Variants in TM2D1 observed in about 807,000 individuals in gnomAD.
TM2D1 encodes the protein TM2 domain-containing protein 1.
Under a neutral mutation model 28.4 loss-of-function variants are expected in TM2D1, and 15 were observed. That is an observed-to-expected ratio of 0.53 (90% confidence interval 0.35 to 0.81). TM2D1 has a LOEUF of 0.81. Ranked by LOEUF, TM2D1 falls within the 40% of genes least tolerant of loss-of-function variation. The pLI is 0.01. For missense variants in TM2D1, 236 were observed against 254.9 expected (o/e 0.93, Z 0.50); for synonymous variants, 93 against 96.2 (o/e 0.97, Z 0.20).
chr1:61,683,313 G>C (rs1053032301), intron 6 of TM2D1, 104 bp downstream of exon 6: 1 of 399,810 alleles, frequency 2.5e-6, no homozygotes, highest in Non-Finnish European at 4.4e-6. Flanking sequence ...GTACCTGAGA[G>C]GTTTATACGG....
At chr1:61,701,564 T>C (rs961818460) in intron 3 of TM2D1, among the ~76,000 whole-genome samples, 1 of 151,258 alleles carries the variant, frequency 6.6e-6, no homozygotes, top group Non-Finnish European at 1.5e-5. Flanking sequence ...TTCGTGTGTG[T>C]GTGTGTGTGT....
intron 3 of TM2D1, among the ~76,000 whole-genome samples, chr1:61,702,610 C>T (rs1169121116): frequency 6.6e-6 from 1 of 150,836 alleles, no homozygotes; most frequent in African/African-American, 2.4e-5. Flanking sequence ...TCAAGTGACC[C>T]ACCCGCCTTG....
At chr1:61,682,817 TGG>T (rs891070809) in intron 6 of TM2D1, among the ~76,000 whole-genome samples, 1 of 146,910 alleles carries the variant, frequency 6.8e-6, no homozygotes. Context: ...CGCTTGAACC[TGG>T]GAGGCAGACG....
chr1:61,724,305 T>C (rs536241842), intron 1 of TM2D1: 278 of 152,766 alleles, frequency 1.8e-3, no homozygotes, highest in South Asian at 3.9e-3. Context: ...TGGTGGCGCA[T>C]GCCTGTAGTC....
At chr1:61,714,047 C>T (rs1323734200) in intron 2 of TM2D1, among the ~76,000 whole-genome samples, 1 of 147,094 alleles carries the variant, frequency 6.8e-6, no homozygotes, top group Non-Finnish European at 1.5e-5. Context: ...AGGCGCCCGC[C>T]ACCGCGCCCG....
At chr1:61,713,296 G>A (rs1007915917) in intron 2 of TM2D1, among the ~76,000 whole-genome samples, 1 of 151,816 alleles carries the variant, frequency 6.6e-6, no homozygotes, top group African/African-American at 2.4e-5. Flanking sequence ...TGGCCAACAT[G>A]GTGAAACCCA....
intron 2 of TM2D1, among the ~76,000 whole-genome samples, chr1:61,722,283 G>A (rs7544986): frequency 0.041 from 6,294 of 152,090 alleles, 447 homozygotes; most frequent in African/African-American, 0.14. Context: ...GAGACACCCA[G>A]AAAGAAAAGT....
chr1:61,725,109 G>C lies in TM2D1; in HGVS notation c.12C>G (p.Ala4=), dbSNP rs573030639. The change falls in exon 1 of 7, where the codon GCC becomes GCG. Residue 4 remains alanine (A), a synonymous_variant. Transcript: ENST00000606498. ...CCGGAGCAGACGGACCAGACGGCCA[G>C]GCGGCCGCCATCTTGGAGACCGACA... MAA[A]WPSGPSAPEA... is the part of the protein sequence containing the mutation. 2 of 1,613,556 alleles carry C rather than the reference G, an allele frequency of 1.2e-6. No individual in the cohort carries two copies. The highest frequency in any genetic ancestry group is 1.3e-5 in the African/African-American group (1 of 75,070).
chr1:61,718,917 T>C (rs1407623846), intron 2 of TM2D1, among the ~76,000 whole-genome samples: 1 of 152,142 alleles, frequency 6.6e-6, no homozygotes, highest in African/African-American at 2.4e-5. Context: ...GATCCTGTAC[T>C]GGGAGAAAAT....
chr1:61,691,927 A>AAC (rs1644328158), intron 5 of TM2D1, among the ~76,000 whole-genome samples: 2 of 94,904 alleles, frequency 2.1e-5, no homozygotes, highest in South Asian at 3.1e-4. Context: ...AACTTAAAAA[A>AAC]AAAAAATATA....
Position 61,725,125 on chromosome 1 carries a change from G to A in TM2D1, c.-5C>T. ...AGACGGCCAGGCGGCCGCCATCTTG[G>A]AGACCGACACTTTCTCGCCACTTCC... On this transcript the variant is annotated 5_prime_UTR_variant, in exon 1 of 7. Transcript: ENST00000606498. 2.5e-6 allele frequency: 4 copies of A among 1,613,542 alleles called. No homozygotes were observed. Among genetic ancestry groups the A allele is most frequent in the Admixed American group, 1.7e-5 (1 of 60,022 alleles).
rs1037242309 is a variant in TM2D1, at chr1:61,718,750, A to G, written c.238+4963T>C. 2.0e-5 allele frequency among the ~76,000 whole-genome samples: 3 copies of G among 152,196 alleles called. No individual in the cohort carries two copies. The East Asian group carries it at 5.8e-4, about 29-fold the overall frequency. On this transcript the variant is annotated intron_variant, in intron 2 of 6. Coordinates refer to ENST00000606498, the MANE Select transcript of TM2D1 (RefSeq NM_032027.3). ...AGCGTGGAATGTATATCCTAAGTCT[A>G]ATCATAAGGAAATATCAGACAGTCC...
intron 3 of TM2D1, among the ~76,000 whole-genome samples, chr1:61,702,835 G>A (rs1411794652): frequency 2.0e-5 from 3 of 151,750 alleles, no homozygotes; most frequent in Admixed American, 6.6e-5. Flanking sequence ...GCCAGCTGTG[G>A]TAGCTCACGC....
intron 3 of TM2D1, among the ~76,000 whole-genome samples, chr1:61,706,955 A>G (rs1015827447): frequency 5.3e-5 from 8 of 151,274 alleles, no homozygotes; most frequent in Admixed American, 5.3e-4. Context: ...ATCATAATTG[A>G]TATCAATATC....
At chr1:61,717,319 G>C (rs1331017716) in intron 2 of TM2D1, among the ~76,000 whole-genome samples, 1 of 151,222 alleles carries the variant, frequency 6.6e-6, no homozygotes, top group East Asian at 1.9e-4. Flanking sequence ...AGTGAGCCGA[G>C]ATAGTGCCAC....
At chr1:61,706,637 C>T (rs1262009398) in intron 3 of TM2D1, among the ~76,000 whole-genome samples, 9 of 149,768 alleles carry the variant, frequency 6.0e-5, no homozygotes, top group African/African-American at 2.3e-4. Flanking sequence ...GGAGAAACCC[C>T]GTCTCTACTA....
In TM2D1 at chr1:61,681,123, A is replaced by G. The variant is rs1644240637; in HGVS notation, c.*247T>C. ...TTGCCTTTGTAAAAGATTAAAGAGT[A>G]TCAGAGTAATAAGCTATCTCTCATA... On this transcript the variant is annotated 3_prime_UTR_variant, in exon 7 of 7. Coordinates refer to ENST00000606498, the MANE Select transcript of TM2D1 (RefSeq NM_032027.3). 6.5e-6 allele frequency: 1 copy of G among 153,798 alleles called. No individual in the cohort carries two copies. The highest frequency in any genetic ancestry group is 1.5e-5 in the Non-Finnish European group (1 of 68,054). 9.5% of individuals were successfully genotyped at this position (153,798 alleles called of 1,614,324 possible).
chr1:61,686,704 C>A (rs773441987), intron 5 of TM2D1: 29 of 650,930 alleles, frequency 4.5e-5, no homozygotes, highest in Non-Finnish European at 5.3e-5. Flanking sequence ...GTTTTAAGCA[C>A]CCACATACAC....
At chr1:61,686,018 C>A (rs1001251985) in intron 5 of TM2D1, among the ~76,000 whole-genome samples, 7 of 151,900 alleles carry the variant, frequency 4.6e-5, no homozygotes, top group Admixed American at 3.9e-4. Flanking sequence ...ATTTAAATAA[C>A]CAAATTAAGT....
Sources: allele counts gnomAD v4.1 joint callset (sites outside exome capture counted in the v4.1 genomes callset), GRCh38; gene constraint gnomAD v4.1.1; transcripts MANE v1.5; gene names NCBI Gene and HGNC (gene_info 2026-07-23, HGNC 2026-07-21).